DEDD: variants seen among roughly 807,000 people sequenced by gnomAD.
DEDD encodes death effector domain-containing protein.
In DEDD, 3 loss-of-function variants were observed where a neutral mutation model predicts 29.2. That is an observed-to-expected ratio of 0.10 (90% CI 0.05 to 0.27). The LOEUF (loss-of-function observed/expected upper bound fraction) is 0.27, where lower values mean the gene tolerates loss of function less well. Ranked by LOEUF, DEDD falls within the 10% of genes least tolerant of loss-of-function variation. The probability of loss-of-function intolerance (pLI) is 1.00; values close to 1 mark genes in which losing one functional copy is unlikely to be tolerated. For synonymous variants in DEDD, 152 were observed against 161.3 expected (o/e 0.94, Z 0.44); for missense variants, 261 against 420.5 (o/e 0.62, Z 3.32).
chr1:161,123,315 G>A (rs1238626107), intron 4 of DEDD, 94 bp from the exon 5 acceptor site: 3 of 1,218,908 alleles, frequency 2.5e-6, no homozygotes, highest in Non-Finnish European at 3.5e-6. Context: ...TTTAGACTTA[G>A]CACTAAAAGC....
chr1:161,123,702 G>A (rs1024700087), intron 4 of DEDD, 137 bp downstream of exon 4: 50 of 719,440 alleles, frequency 6.9e-5, no homozygotes, highest in South Asian at 1.9e-4. Flanking sequence ...ATGTCACCTC[G>A]CCTGATTTTT....
At chr1:161,127,184 T>C (rs1402927389) in intron 2 of DEDD, among the ~76,000 whole-genome samples, 1 of 152,122 alleles carries the variant, frequency 6.6e-6, no homozygotes. Flanking sequence ...GCAATTCCAA[T>C]TAAGAAACAA....
At chr1:161,132,411 C>G (rs1656766588) in intron 1 of DEDD, 140 bp downstream of exon 1, 1 of 155,028 alleles carries the variant, frequency 6.5e-6, no homozygotes, top group South Asian at 2.0e-4. Context: ...CCCGTCACCT[C>G]CCTCTCTTGA....
intron 2 of DEDD, 98 bp from the exon 3 acceptor site, chr1:161,124,624 T>C (rs1034321788): frequency 7.3e-7 from 1 of 1,377,048 alleles, no homozygotes; most frequent in Non-Finnish European, 9.5e-7. Context: ...TGGCACAGTA[T>C]AGTGCTTTAT....
Position 161,121,135 on chromosome 1 carries a change from G to T in DEDD, c.*1012C>A. On this transcript the variant is annotated 3_prime_UTR_variant, in exon 6 of 6. Transcript: ENST00000368006. Reference sequence around the variant, plus strand: ...ATTGTACCAGCTGGACTAAGCTCCAGTTCTAGACCTCCTGGCTCATTCAAC... The same window carrying T: ...ATTGTACCAGCTGGACTAAGCTCCATTTCTAGACCTCCTGGCTCATTCAAC... 2 of 1,087,174 alleles carry T rather than the reference G, an allele frequency of 1.8e-6. No individual in the cohort carries two copies. 67.3% of individuals were successfully genotyped at this position (1,087,174 alleles called of 1,614,324 possible).
chr1:161,126,056 T>A (rs886837299), intron 2 of DEDD, among the ~76,000 whole-genome samples: 1 of 152,178 alleles, frequency 6.6e-6, no homozygotes, highest in Admixed American at 6.5e-5. Context: ...CTGGTCACAC[T>A]CTCCAATCAC....
rs534289963 is a variant in DEDD at position 161,132,638 on chromosome 1, A to AGCC, written c.-188_-186dup. 7.7e-3 allele frequency: 1,290 copies of AGCC among 166,872 alleles called. 7 individuals carry two copies. The highest frequency in any genetic ancestry group is 0.011 in the Non-Finnish European group (852 of 79,876). 10.3% of individuals were successfully genotyped at this position (166,872 alleles called of 1,614,324 possible). A position where few individuals can be genotyped will look rare whatever the true frequency, so the allele number is the denominator to read the frequency against. On this transcript the variant is annotated 5_prime_UTR_variant, in exon 1 of 6. Coordinates refer to ENST00000368006, the MANE Select transcript of DEDD (RefSeq NM_032998.3). ...CACGGCGCCGCATCCGGGCTCCAGC[A>AGCC]GCCGCCGCCGCCGCCGCCGCCGCGG...
Position 161,121,275 on chromosome 1 carries a change from A to T in DEDD, c.*872T>A, listed in dbSNP as rs1487251995. 1 of 731,492 alleles carries T rather than the reference A, an allele frequency of 1.4e-6. No individual in the cohort carries two copies. The highest frequency in any genetic ancestry group is 5.9e-5 in the Admixed American group (1 of 16,830). The allele number at this position is 731,492 out of a possible 1,614,324, so 45.3% of individuals were successfully genotyped here. ...GGGGGAAGGAAAAAGGAATTACTTC[A>T]CTTACACCTATGATGCCCTTTGCCC... On this transcript the variant is annotated 3_prime_UTR_variant, in exon 6 of 6. Transcript: ENST00000368006.
chr1:161,130,412 ACCC>A (rs749018890), intron 2 of DEDD, among the ~76,000 whole-genome samples: 35 of 152,232 alleles, frequency 2.3e-4, no homozygotes, highest in South Asian at 1.2e-3. Context: ...GATGCCAGGA[ACCC>A]CCCAACAGCT....
chr1:161,121,868 G>A lies in DEDD; in HGVS notation c.*279C>T, dbSNP rs1022178020. 4 of 387,284 alleles carry A rather than the reference G, an allele frequency of 1.0e-5. No individual in the cohort carries two copies. 24.0% of individuals were successfully genotyped at this position (387,284 alleles called of 1,614,324 possible). A position where few individuals can be genotyped will look rare whatever the true frequency, so the allele number is the denominator to read the frequency against. ...ACAAAGACTATGTGCTGTAGACTTT[G>A]CTTCTTCCTATACATTTGTCTTACG... is the stretch of plus-strand genomic sequence containing the variant. On this transcript the variant is annotated 3_prime_UTR_variant, in exon 6 of 6. Coordinates refer to ENST00000368006, the MANE Select transcript of DEDD (RefSeq NM_032998.3).
chr1:161,124,672 T>TA, intron 2 of DEDD, 146 bp from the exon 3 acceptor site: 1 of 1,107,462 alleles, frequency 9.0e-7, no homozygotes, highest in Non-Finnish European at 1.2e-6. Flanking sequence ...TGTTTAAAAA[T>TA]AAACACTGGC....
chr1:161,125,032 G>A (rs1656014048), intron 2 of DEDD: 1 of 153,870 alleles, frequency 6.5e-6, no homozygotes. Flanking sequence ...GGAGTTCAAG[G>A]CTGCAGTGAG....
chr1:161,123,593 G>A (rs368158002), intron 4 of DEDD, among the ~76,000 whole-genome samples: 25 of 146,972 alleles, frequency 1.7e-4, no homozygotes, highest in South Asian at 6.4e-4. Context: ...CCGAGATTGC[G>A]CCACTGCACT....
chr1:161,127,661 A>G (rs548704976), intron 2 of DEDD, among the ~76,000 whole-genome samples: 1 of 152,342 alleles, frequency 6.6e-6, no homozygotes, highest in East Asian at 1.9e-4. Flanking sequence ...TCAACTATAG[A>G]CTGGTATTCC....
At chr1:161,126,522 T>C (rs894299302) in intron 2 of DEDD, among the ~76,000 whole-genome samples, 1 of 151,930 alleles carries the variant, frequency 6.6e-6, no homozygotes, top group Non-Finnish European at 1.5e-5. Context: ...TTTTGTATTT[T>C]TAGTAGAGAC....
intron 1 of DEDD, chr1:161,131,238 A>G (rs1656642962): frequency 6.6e-6 from 1 of 152,202 alleles, no homozygotes; most frequent in African/African-American, 2.4e-5. Context: ...CTGGGAGGAA[A>G]GTGGTTACAG....
rs1655675556 is a variant in DEDD, at chr1:161,122,867, T to G, written c.580+208A>C. The G allele has an allele frequency of 1.1e-6, 1 of 892,602 alleles. No homozygotes were observed. The highest frequency in any genetic ancestry group is 1.8e-6 in the Non-Finnish European group (1 of 570,208). The allele number at this position is 892,602 out of a possible 1,614,324, so 55.3% of individuals were successfully genotyped here. On this transcript the variant is annotated intron_variant, in intron 5 of 5. Coordinates refer to ENST00000368006, the MANE Select transcript of DEDD (RefSeq NM_032998.3). The surrounding 1 kb of genome is among the most constrained non-coding windows in gnomAD (Gnocchi z 4.2). ...GGATGTCATAACAACATCCCTGTGA[T>G]GTAGTATTAACTAACAAGAGTTGAA...
chr1:161,123,986 C>T (rs370857448), intron 3 of DEDD, 40 bp from the exon 4 acceptor site: 2 of 1,605,478 alleles, frequency 1.2e-6, no homozygotes, highest in African/African-American at 2.7e-5. Context: ...AATATACACC[C>T]TTCCCTTCTG....
At position 161,121,986 on chromosome 1, in the gene DEDD, T is replaced by A; in HGVS notation, c.*161A>T. ...CCAGGCACATGGGTGCAGGGAGGGG[T>A]GGGGAATACCACTTCCACTTTCTTT... On this transcript the variant is annotated 3_prime_UTR_variant, in exon 6 of 6. Coordinates refer to ENST00000368006, the MANE Select transcript of DEDD (RefSeq NM_032998.3). 14 of 875,362 alleles carry A rather than the reference T, an allele frequency of 1.6e-5. No individual in the cohort carries two copies. The highest frequency in any genetic ancestry group is 3.7e-4 in the Middle Eastern group (1 of 2,724). The allele number at this position is 875,362 out of a possible 1,614,324, so 54.2% of individuals were successfully genotyped here.
Sources: allele counts gnomAD v4.1 joint callset (sites outside exome capture counted in the v4.1 genomes callset), GRCh38; gene constraint gnomAD v4.1.1; non-coding constraint Gnocchi (gnomAD v3.1); transcripts MANE v1.5; gene names NCBI Gene and HGNC (gene_info 2026-07-23, HGNC 2026-07-21).